Variants in NR3C1 observed in about 807,000 individuals in gnomAD.
The protein encoded by NR3C1 is nuclear receptor subfamily 3 group C member 1.
Under a neutral mutation model 74.0 loss-of-function variants are expected in NR3C1, and 14 were observed. The ratio of observed to expected loss-of-function variants is 0.19; its 90% CI spans 0.12 to 0.30. The LOEUF (loss-of-function observed/expected upper bound fraction) is 0.30. Ranked by LOEUF, NR3C1 falls within the 10% of genes least tolerant of loss-of-function variation. The pLI is 1.00. For missense variants in NR3C1, 695 were observed against 909.8 expected (o/e 0.76, Z 3.04); for synonymous variants, 308 against 332.5 (o/e 0.93, Z 0.80).
At chr5:143,400,894 C>A (rs1840147734) in intron 1 of NR3C1, 42 bp from the exon 2 acceptor site, 2 of 1,448,870 alleles carry the variant, frequency 1.4e-6, no homozygotes, top group Non-Finnish European at 1.9e-6. Context: ...ACATCATAAG[C>A]TCTAAAGTCA....
upstream of NR3C1, chr5:143,405,310 G>C (rs1019872718): frequency 2.0e-6 from 2 of 985,630 alleles, no homozygotes; most frequent in Non-Finnish European, 2.4e-6. Flanking sequence ...CTGCTCGGGC[G>C]CTCGGCCACA....
At chr5:143,414,981 G>C (rs1841429398) in intron 1 of NR3C1, among the ~76,000 whole-genome samples, 1 of 152,258 alleles carries the variant, frequency 6.6e-6, no homozygotes, top group East Asian at 1.9e-4. Flanking sequence ...TTACAGAAGA[G>C]AGATTGGGGC....
intron 4 of NR3C1, among the ~76,000 whole-genome samples, chr5:143,308,597 A>T (rs1205682979): frequency 6.6e-6 from 1 of 152,190 alleles, no homozygotes; most frequent in Non-Finnish European, 1.5e-5. Context: ...AGTCTTTGTA[A>T]AATACAAATC....
Position 143,279,289 on chromosome 5 carries a change from G to T in NR3C1, c.*2600C>A. On this transcript the variant is annotated 3_prime_UTR_variant, in exon 9 of 9. Coordinates refer to ENST00000394464, the MANE Select transcript of NR3C1 (RefSeq NM_000176.3). ...GATGAGCATCAGTTGACTTATTATT[G>T]ACAACGAAGTGCACATAATCTTCTT... is the stretch of plus-strand genomic sequence containing the variant. The T allele has an allele frequency of 2.0e-6, 3 of 1,501,784 alleles. No individual in the cohort carries two copies. Among genetic ancestry groups the T allele is most frequent in the Non-Finnish European group, 2.7e-6 (3 of 1,118,768 alleles). The allele number at this position is 1,501,784 out of a possible 1,614,324, so 93.0% of individuals were successfully genotyped here. A position where few individuals can be genotyped will look rare whatever the true frequency, so the allele number is the denominator to read the frequency against.
chr5:143,303,007 A>C (rs1300980411), intron 4 of NR3C1, among the ~76,000 whole-genome samples: 2 of 152,040 alleles, frequency 1.3e-5, no homozygotes, highest in Non-Finnish European at 2.9e-5. Flanking sequence ...GGTTACTTGA[A>C]AGGATAAACA....
chr5:143,387,201 C>T (rs1339146490), intron 2 of NR3C1, among the ~76,000 whole-genome samples: 1 of 152,182 alleles, frequency 6.6e-6, no homozygotes, highest in African/African-American at 2.4e-5. Flanking sequence ...TTACTCTTAA[C>T]TGAATCTCAG....
intron 2 of NR3C1, among the ~76,000 whole-genome samples, chr5:143,374,584 G>C (rs1834833434): frequency 6.6e-6 from 1 of 151,970 alleles, no homozygotes; most frequent in South Asian, 2.1e-4. Context: ...TGATTCTTGG[G>C]TTCTGCCACT....
At chr5:143,417,542 G>A (rs36028129) in intron 1 of NR3C1, among the ~76,000 whole-genome samples, 1 of 152,080 alleles carries the variant, frequency 6.6e-6, no homozygotes, top group Non-Finnish European at 1.5e-5. Flanking sequence ...ATCTGCCTCA[G>A]GAGGTTCTTA....
At chr5:143,367,170 T>G (rs1287883364) in intron 2 of NR3C1, among the ~76,000 whole-genome samples, 3 of 152,096 alleles carry the variant, frequency 2.0e-5, no homozygotes. Flanking sequence ...AAAATCTCAA[T>G]AGCTGCAGAA....
Position 143,400,229 on chromosome 5 carries a change from G to A in NR3C1, c.611C>T (p.Pro204Leu). ...AGGACTCTCATTCGTCTCTTTACCT[G>A]GGGACCCAGAAGAAAACTCCAAATC... ...LQDLEFSSGS[P>L]GKETNESPWR... The change falls in exon 2 of 9, where the codon CCA (proline) becomes CTA (leucine). Residue 204 changes from proline to leucine, a missense_variant. Pro to Leu is a moderately conservative substitution (Grantham distance 98). This residue lies in a region of NR3C1 where 497 missense variants were observed against 489.5 expected (regional missense o/e 1.02). Transcript: ENST00000394464. 3.1e-6 allele frequency: 5 copies of A among 1,601,104 alleles called. No individual in the cohort carries two copies. Among genetic ancestry groups the A allele is most frequent in the Non-Finnish European group, 4.3e-6 (5 of 1,174,722 alleles).
chr5:143,414,145 T>C (rs868825939), intron 1 of NR3C1, among the ~76,000 whole-genome samples: 1 of 152,216 alleles, frequency 6.6e-6, no homozygotes, highest in South Asian at 2.1e-4. Context: ...CACAAATGAA[T>C]TGATGATTGC....
rs559912144 is a variant in NR3C1 at position 143,340,748 on chromosome 5, T to C, written c.1185-26580A>G. 2.6e-5 allele frequency among the ~76,000 whole-genome samples: 4 copies of C among 152,310 alleles called. No homozygotes were observed. The South Asian group carries it at 8.3e-4, about 32-fold the overall frequency. On this transcript the variant is annotated intron_variant, in intron 2 of 8. Transcript: ENST00000394464. ...CGCCCGGCTTGGCCTCCCAAAGTGC[T>C]GGGGTTACAGACATGGGCCACCACA... is the stretch of plus-strand genomic sequence containing the variant.
chr5:143,297,118 T>C (rs1332752975), intron 6 of NR3C1, among the ~76,000 whole-genome samples: 1 of 149,182 alleles, frequency 6.7e-6, no homozygotes, highest in Admixed American at 6.7e-5. Flanking sequence ...GGTGGAGGAC[T>C]GCCCATCTTT....
At chr5:143,313,865 C>T in intron 3 of NR3C1, 137 bp downstream of exon 3, 1 of 829,440 alleles carries the variant, frequency 1.2e-6, no homozygotes, top group Non-Finnish European at 2.0e-6. Flanking sequence ...ATTAGAGGAC[C>T]TAGGAGCCAC....
At chr5:143,405,139 G>A (rs1327334388), upstream of NR3C1, 8 of 985,472 alleles carry the variant, frequency 8.1e-6, no homozygotes, top group African/African-American at 7.0e-5. Flanking sequence ...TGCCGGGACC[G>A]AGCCTCCTAC....
intron 1 of NR3C1, among the ~76,000 whole-genome samples, chr5:143,424,537 A>G (rs1165157124): frequency 2.0e-5 from 3 of 152,186 alleles, no homozygotes; most frequent in African/African-American, 4.8e-5. Context: ...ACTTTTTAAA[A>G]GAAAAAAAAC....
chr5:143,366,831 A>G (rs1468337956), intron 2 of NR3C1, among the ~76,000 whole-genome samples: 2 of 152,182 alleles, frequency 1.3e-5, no homozygotes, highest in African/African-American at 4.8e-5. Context: ...CTTCCAAAGA[A>G]GACCCCAGAT....
chr5:143,348,418 C>T (rs1176934007), intron 2 of NR3C1, among the ~76,000 whole-genome samples: 9 of 152,212 alleles, frequency 5.9e-5, no homozygotes, highest in African/African-American at 1.2e-4. Flanking sequence ...CCCAAATCCA[C>T]ACTTGCTTTC....
chr5:143,310,294 G>A (rs72481839), intron 3 of NR3C1, 81 bp from the exon 4 acceptor site: 96 of 1,016,384 alleles, frequency 9.4e-5, no homozygotes, highest in East Asian at 2.0e-4. Context: ...CTTTGTTTCC[G>A]GTGGAATATA....
Sources: allele counts gnomAD v4.1 joint callset (sites outside exome capture counted in the v4.1 genomes callset), GRCh38; gene constraint gnomAD v4.1.1; regional missense constraint gnomAD v4.1.1; transcripts MANE v1.5; gene names NCBI Gene and HGNC (gene_info 2026-07-23, HGNC 2026-07-21).